Variants in EFCAB13 observed in about 807,000 individuals in gnomAD.
The protein encoded by EFCAB13 is EF-hand calcium-binding domain-containing protein 13.
A neutral mutation model predicts 110.2 loss-of-function variants in EFCAB13; 91 were observed. The observed-to-expected ratio is 0.83, with a 90% CI of 0.70 to 0.98. EFCAB13 has a LOEUF of 0.98. Among genes scored for constraint, EFCAB13 ranks in the 50% least tolerant of loss-of-function variants. The probability of loss-of-function intolerance (pLI) is 0.00; values close to 1 mark genes in which losing one functional copy is unlikely to be tolerated. For synonymous variants in EFCAB13, 323 were observed against 369.9 expected, an observed-to-expected ratio of 0.87 and a Z score of 1.45; for missense variants, 968 against 1,119.4, an observed-to-expected ratio of 0.86 and a Z score of 1.93.
chr17:47,369,189 G>T (rs984332387), intron 10 of EFCAB13, among the ~76,000 whole-genome samples: 4 of 152,160 alleles, frequency 2.6e-5, no homozygotes, highest in Non-Finnish European at 4.4e-5. Context: ...GGACCTCCTG[G>T]ATGACTGAAG....
In EFCAB13 at chr17:47,335,365, A is replaced by G. The variant is rs201234885; in HGVS notation, c.191+9A>G. On this transcript the variant is annotated intron_variant, in intron 5 of 24. Coordinates refer to ENST00000331493, the MANE Select transcript of EFCAB13 (RefSeq NM_152347.5). ...CCAGAATATAAAAAAATGTAAGTTAAAAACTCTGAACTTACTTTATTGAAT... is the reference window on the plus strand; with the variant it reads ...CCAGAATATAAAAAAATGTAAGTTAGAAACTCTGAACTTACTTTATTGAAT... 5.4e-5 allele frequency: 85 copies of G among 1,577,734 alleles called. No individual in the cohort carries two copies. Among genetic ancestry groups the G allele is most frequent in the Non-Finnish European group, 6.7e-5 (78 of 1,168,656 alleles).
In EFCAB13 at chr17:47,420,585, G is replaced by A. The variant is rs1246094794; in HGVS notation, c.2494+5666G>A. Among the ~76,000 whole-genome samples the A allele has an allele frequency of 8.6e-5, 13 of 150,956 alleles. No homozygotes were observed. The South Asian group carries it at 1.9e-3, about 22-fold the overall frequency. On this transcript the variant is annotated intron_variant, in intron 23 of 24. Transcript: ENST00000331493. Reference sequence around the variant, plus strand: ...GCCCATCGTCTGAGATGTGGGGAGCGCCTCTGCCCCGCCGCCCCATCTGGG... The same window carrying A: ...GCCCATCGTCTGAGATGTGGGGAGCACCTCTGCCCCGCCGCCCCATCTGGG...
At chr17:47,365,516 T>C (rs532912994) in intron 10 of EFCAB13, among the ~76,000 whole-genome samples, 5 of 152,252 alleles carry the variant, frequency 3.3e-5, no homozygotes, top group African/African-American at 9.6e-5. Flanking sequence ...ATTTGAAATA[T>C]AGTAGTGGCT....
intron 20 of EFCAB13, among the ~76,000 whole-genome samples, chr17:47,407,361 A>T (rs1297742664): frequency 6.6e-6 from 1 of 152,230 alleles, no homozygotes; most frequent in East Asian, 1.9e-4. Flanking sequence ...ATAGAAAATT[A>T]TCAGAGTGGA....
chr17:47,366,298 C>G (rs1912484), intron 10 of EFCAB13, among the ~76,000 whole-genome samples: 97,859 of 151,338 alleles, frequency 0.65, 32,028 homozygotes, highest in African/African-American at 0.73. Flanking sequence ...TTCTGAAATA[C>G]TGTATTGGTA....
intron 9 of EFCAB13, among the ~76,000 whole-genome samples, chr17:47,353,295 TA>T (rs1351133859): frequency 1.1e-4 from 16 of 151,698 alleles, no homozygotes; most frequent in Admixed American, 3.9e-4. Flanking sequence ...ATTTATTTAT[TA>T]TTTTTTTTTA....
rs558143907 is a variant in EFCAB13, at chr17:47,397,004, T to C, written c.1945+1027T>C. Among the ~76,000 whole-genome samples, 6 of 151,690 alleles carry C rather than the reference T, an allele frequency of 4.0e-5. No individual in the cohort carries two copies. In the East Asian group the frequency reaches 9.8e-4, roughly 25 times the overall value. On this transcript the variant is annotated intron_variant, in intron 17 of 24. Transcript: ENST00000331493. The stretch of plus-strand genomic sequence containing the variant: ...AGTATTATTTTATGAGATATGAAAA[T>C]AACGTCCCTCTCCCTCTCCCCCTCC...
chr17:47,440,615 A>G lies in EFCAB13; in HGVS notation c.2823A>G (p.Gln941=). ...SIVKAQVSKK[Q]YNMNIKQHKI... is the part of the protein sequence containing the mutation. ...TTAAAGCACAGGTAAGTAAGAAGCAATACAATATGAATATAAAACAACACA... is the reference window on the plus strand; with the variant it reads ...TTAAAGCACAGGTAAGTAAGAAGCAGTACAATATGAATATAAAACAACACA... Residue 941 remains glutamine, a synonymous_variant, in exon 25 of 25, where the codon CAA becomes CAG. Coordinates refer to ENST00000331493, the MANE Select transcript of EFCAB13 (RefSeq NM_152347.5). 1 of 1,612,194 alleles carries G rather than the reference A, an allele frequency of 6.2e-7. No homozygotes were observed. Among genetic ancestry groups the G allele is most frequent in the Non-Finnish European group, 8.5e-7 (1 of 1,179,268 alleles).
At chr17:47,387,691 G>C (rs1287459365) in intron 14 of EFCAB13, among the ~76,000 whole-genome samples, 1 of 152,154 alleles carries the variant, frequency 6.6e-6, no homozygotes, top group Non-Finnish European at 1.5e-5. Context: ...ATCTGAGGAG[G>C]TCATGGTTCC....
At chr17:47,430,334 T>C in intron 24 of EFCAB13, 1 of 456,844 alleles carries the variant, frequency 2.2e-6, no homozygotes, top group Non-Finnish European at 2.9e-6. Flanking sequence ...CAGGGGGTGT[T>C]GCACATAGTG....
chr17:47,401,640 C>CTTTTTT (rs763737651), intron 17 of EFCAB13, among the ~76,000 whole-genome samples: 34 of 84,516 alleles, frequency 4.0e-4, no homozygotes, highest in East Asian at 6.5e-4. Context: ...CTCAGCCTGA[C>CTTTTTT]TTTTTTTTTT....
intron 7 of EFCAB13, among the ~76,000 whole-genome samples, chr17:47,344,504 T>C (rs1185209780): frequency 6.6e-6 from 1 of 152,124 alleles, no homozygotes; most frequent in African/African-American, 2.4e-5. Context: ...TTTGTAAAAT[T>C]TACATCTCTG....
intron 14 of EFCAB13, among the ~76,000 whole-genome samples, chr17:47,380,447 A>G (rs1199129965): frequency 1.3e-5 from 2 of 152,166 alleles, no homozygotes; most frequent in Admixed American, 6.5e-5. Context: ...TCCATGGTGT[A>G]TATGTGCCAC....
In EFCAB13 at chr17:47,361,467, A is replaced by T; in HGVS notation, c.751A>T (p.Ile251Phe). 3 of 1,613,736 alleles carry T rather than the reference A, an allele frequency of 1.9e-6. No homozygotes were observed. The highest frequency in any genetic ancestry group is 2.5e-6 in the Non-Finnish European group (3 of 1,179,686). Residue 251 changes from isoleucine (I) to phenylalanine (F), a missense_variant, in exon 10 of 25, where the codon ATC becomes TTC. Physicochemically the swap from Ile to Phe is conservative, Grantham distance 21. Transcript: ENST00000331493. ...GTTTGCTGTTTTGGATAGCATGGGT[A>T]TCCCTATAAACCGTGAAATTTTAGA... Reference protein sequence around the residue: ...DVFAVLDSMGIPINREILEEV... With the variant: ...DVFAVLDSMGFPINREILEEV...
intron 4 of EFCAB13, among the ~76,000 whole-genome samples, chr17:47,332,911 A>G (rs1332410596): frequency 1.3e-5 from 2 of 152,178 alleles, no homozygotes; most frequent in African/African-American, 4.8e-5. Flanking sequence ...ATTAATTTCA[A>G]TTCCTTTGGA....
intron 9 of EFCAB13, among the ~76,000 whole-genome samples, chr17:47,351,811 G>T (rs2065454730): frequency 6.7e-6 from 1 of 148,150 alleles, no homozygotes; most frequent in Non-Finnish European, 1.5e-5. Flanking sequence ...GTCTTTTTTT[G>T]TTGTTGTTGC....
At chr17:47,424,992 C>T (rs1371746448) in intron 23 of EFCAB13, among the ~76,000 whole-genome samples, 1 of 143,250 alleles carries the variant, frequency 7.0e-6, no homozygotes, top group Non-Finnish European at 1.5e-5. Context: ...ACGCCATTCT[C>T]CTGCCTCAGC....
In EFCAB13 at chr17:47,340,448, C is replaced by T. The variant is rs78362267; in HGVS notation, c.192-1473C>T. On this transcript the variant is annotated intron_variant, in intron 5 of 24. Transcript: ENST00000331493. ...TTGAAACTGTAGTGTCTATTATAATCACACCTGTGAATAGTCACTGTACTC... is the reference window on the plus strand; with the variant it reads ...TTGAAACTGTAGTGTCTATTATAATTACACCTGTGAATAGTCACTGTACTC... 8.6e-3 allele frequency among the ~76,000 whole-genome samples: 1,301 copies of T among 152,150 alleles called. 12 individuals carry two copies. Among genetic ancestry groups the T allele is most frequent in the African/African-American group, 0.027 (1,108 of 41,490 alleles).
rs1270535153 is a variant in EFCAB13, at chr17:47,440,628, A to G, written c.2836A>G (p.Ile946Val). ...AAGTAAGAAGCAATACAATATGAAT[A>G]TAAAACAACACAAGATTAGTTTACA... ...QVSKKQYNMN[I>V]KQHKISLHNF... The change falls in exon 25 of 25, where the codon ATA (isoleucine) becomes GTA (valine). Residue 946 changes from isoleucine to valine, a missense_variant. By Grantham distance (29) the Ile-to-Val change is conservative. Transcript: ENST00000331493. The G allele has an allele frequency of 6.2e-7, 1 of 1,611,354 alleles. No individual in the cohort carries two copies. Among genetic ancestry groups the G allele is most frequent in the Admixed American group, 1.7e-5 (1 of 59,500 alleles).
Sources: allele counts gnomAD v4.1 joint callset (sites outside exome capture counted in the v4.1 genomes callset), GRCh38; gene constraint gnomAD v4.1.1; transcripts MANE v1.5; gene names NCBI Gene and HGNC (gene_info 2026-07-23, HGNC 2026-07-21).